The following RAB7A variants were observed in gnomAD, a reference collection of about 807,000 sequenced individuals.
RAB7A encodes ras-related protein Rab-7a.
A neutral mutation model predicts 24.5 loss-of-function variants in RAB7A; 2 were observed. The ratio of observed to expected loss-of-function variants is 0.08; its 90% CI spans 0.03 to 0.26. RAB7A has a LOEUF of 0.26. RAB7A is among the 10% of genes least tolerant of loss of function. The pLI, the probability that RAB7A is intolerant of heterozygous loss-of-function variation, is 1.00. For synonymous variants in RAB7A, 100 were observed against 95.9 expected, an observed-to-expected ratio of 1.04 and a Z score of -0.25; for missense variants, 118 against 255.7, an observed-to-expected ratio of 0.46 and a Z score of 3.67.
intron 1 of RAB7A, among the ~76,000 whole-genome samples, chr3:128,727,722 C>T (rs753821680): frequency 6.6e-6 from 1 of 152,192 alleles, no homozygotes; most frequent in Non-Finnish European, 1.5e-5. Flanking sequence ...TCTTTGGTTT[C>T]CTAAAGAACG....
intron 1 of RAB7A, among the ~76,000 whole-genome samples, chr3:128,729,414 C>T (rs141554571): frequency 5.3e-4 from 80 of 152,024 alleles, no homozygotes; most frequent in African/African-American, 1.9e-3. Context: ...ACTAAAAATA[C>T]AAAAAATTAG....
intron 1 of RAB7A, among the ~76,000 whole-genome samples, chr3:128,727,356 A>G (rs1373151619): frequency 6.6e-6 from 1 of 152,140 alleles, no homozygotes; most frequent in Non-Finnish European, 1.5e-5. Context: ...ACTGTATTAA[A>G]TTTCTAGGTT....
chr3:128,761,524 G>A (rs1309440335), intron 1 of RAB7A, among the ~76,000 whole-genome samples: 1 of 152,180 alleles, frequency 6.6e-6, no homozygotes. Flanking sequence ...AGTTGGGCTG[G>A]TGCAGGTGCT....
At chr3:128,805,482 G>A (rs1933784803) in intron 3 of RAB7A, among the ~76,000 whole-genome samples, 1 of 152,086 alleles carries the variant, frequency 6.6e-6, no homozygotes, top group African/African-American at 2.4e-5. Context: ...CAGTGAATGA[G>A]GTGACCAGCT....
chr3:128,792,860 T>TATTTATTCATTC (rs1553721733), intron 1 of RAB7A, among the ~76,000 whole-genome samples: 4 of 120,600 alleles, frequency 3.3e-5, no homozygotes, highest in South Asian at 2.6e-4. Flanking sequence ...TTTATTTATT[T>TATTTATTCATTC]ATTCATTTGA....
chr3:128,760,854 T>C (rs1000822728), intron 1 of RAB7A, among the ~76,000 whole-genome samples: 2 of 148,722 alleles, frequency 1.3e-5, no homozygotes, highest in African/African-American at 2.6e-5. Flanking sequence ...GCCGGTCCCA[T>C]AGCGACTTCA....
chr3:128,795,738 C>A (rs1432028117), intron 2 of RAB7A, among the ~76,000 whole-genome samples: 1 of 60,350 alleles, frequency 1.7e-5, no homozygotes, highest in Non-Finnish European at 4.7e-5. Context: ...TGGCATCTGG[C>A]GTAGCAGATG....
chr3:128,735,484 C>A (rs552777895), intron 1 of RAB7A, among the ~76,000 whole-genome samples: 1 of 152,222 alleles, frequency 6.6e-6, no homozygotes, highest in Non-Finnish European at 1.5e-5. Flanking sequence ...CAGATAGTAC[C>A]CCAGTTATGG....
chr3:128,792,809 G>A (rs996239534), intron 1 of RAB7A, among the ~76,000 whole-genome samples: 5 of 147,830 alleles, frequency 3.4e-5, no homozygotes, highest in East Asian at 2.0e-4. Flanking sequence ...GGCACCCACC[G>A]AGCTAATTTT....
intron 1 of RAB7A, among the ~76,000 whole-genome samples, chr3:128,777,351 A>T (rs1576290616): frequency 6.6e-6 from 1 of 151,696 alleles, no homozygotes; most frequent in African/African-American, 2.4e-5. Flanking sequence ...ATGCCACCAC[A>T]CTTGGCTAAG....
At chr3:128,808,840 A>G (rs1428165559) in intron 5 of RAB7A, among the ~76,000 whole-genome samples, 1 of 152,186 alleles carries the variant, frequency 6.6e-6, no homozygotes, top group Non-Finnish European at 1.5e-5. Context: ...AATGGCTTTC[A>G]GCAGGACAAA....
rs191527398 is a variant in RAB7A, at chr3:128,810,193, G to A, written c.528+2522G>A. Among the ~76,000 whole-genome samples the A allele has an allele frequency of 7.0e-3, 1,068 of 151,728 alleles. 6 individuals carry two copies. The highest frequency in any genetic ancestry group is 0.015 in the Admixed American group (223 of 15,236). On this transcript the variant is annotated intron_variant, in intron 5 of 5. Transcript: ENST00000265062. ...CTGGAACTCACATTGTGAACCGCCC[G>A]CCTCAGCCTCCCAAAGTGCTGGGGT...
At chr3:128,759,699 G>C (rs9831813) in intron 1 of RAB7A, among the ~76,000 whole-genome samples, 22 of 151,790 alleles carry the variant, frequency 1.4e-4, no homozygotes, top group South Asian at 2.1e-4. Flanking sequence ...ATATCTGCCC[G>C]TGTATGATGG....
intron 1 of RAB7A, among the ~76,000 whole-genome samples, chr3:128,738,000 T>TC (rs1310889495): frequency 6.6e-6 from 1 of 151,526 alleles, no homozygotes; most frequent in Non-Finnish European, 1.5e-5. Context: ...GAAACCCCAC[T>TC]CCCCTTTTTT....
At chr3:128,742,210 G>A (rs950058893) in intron 1 of RAB7A, among the ~76,000 whole-genome samples, 1 of 151,280 alleles carries the variant, frequency 6.6e-6, no homozygotes, top group African/African-American at 2.4e-5. Context: ...CTCCCGTCTA[G>A]AGTTGTTTAT....
At position 128,762,347 on chromosome 3, in the gene RAB7A, G is replaced by A. The variant is rs376727950; in HGVS notation, c.-8-33013G>A. ...AACTCTTCCCAAGGAATTGGAAGGA[G>A]TGTTTACTAAGTGTTCCATTCCCGT... On this transcript the variant is annotated intron_variant, in intron 1 of 5. Transcript: ENST00000265062. 2.3e-4 allele frequency among the ~76,000 whole-genome samples: 35 copies of A among 152,298 alleles called. No individual in the cohort carries two copies. In the East Asian group the frequency reaches 6.6e-3, roughly 29 times the overall value.
chr3:128,771,314 G>C (rs747855356), intron 1 of RAB7A, among the ~76,000 whole-genome samples: 6 of 152,160 alleles, frequency 3.9e-5, no homozygotes, highest in Non-Finnish European at 8.8e-5. Context: ...TCCTCAGTTT[G>C]GGGGGCTCAT....
intron 3 of RAB7A, among the ~76,000 whole-genome samples, chr3:128,802,491 T>TTTTA (rs1933720498): frequency 6.6e-6 from 1 of 152,174 alleles, no homozygotes; most frequent in African/African-American, 2.4e-5. Flanking sequence ...TTTTATTTTA[T>TTTTA]TTTATTTATG....
At chr3:128,757,976 T>G (rs1033703137) in intron 1 of RAB7A, among the ~76,000 whole-genome samples, 1 of 151,982 alleles carries the variant, frequency 6.6e-6, no homozygotes, top group South Asian at 2.1e-4. Context: ...TTTTTTTTAT[T>G]TTTAGAGTCA....
Sources: allele counts gnomAD v4.1 joint callset (sites outside exome capture counted in the v4.1 genomes callset), GRCh38; gene constraint gnomAD v4.1.1; transcripts MANE v1.5; gene names NCBI Gene and HGNC (gene_info 2026-07-23, HGNC 2026-07-21).